Variants in AKAP13 observed in about 807,000 individuals in gnomAD.
The protein encoded by AKAP13 is A-kinase anchor protein 13.
A neutral mutation model predicts 264.5 loss-of-function variants in AKAP13; 80 were observed. The observed-to-expected ratio is 0.30, with a 90% CI of 0.25 to 0.36. The LOEUF is 0.36. AKAP13 is among the 10% of genes least tolerant of loss of function. AKAP13 has a pLI of 1.00. For missense variants in AKAP13, 3,712 were observed against 3,435.2 expected, an observed-to-expected ratio of 1.08 and a Z score of -2.01; for synonymous variants, 1,380 against 1,250.2, an observed-to-expected ratio of 1.10 and a Z score of -2.19.
At chr15:85,652,758 T>G (rs576046125) in intron 10 of AKAP13, among the ~76,000 whole-genome samples, 1 of 152,318 alleles carries the variant, frequency 6.6e-6, no homozygotes, top group African/African-American at 2.4e-5. Context: ...TCTCTGGTGC[T>G]TGTTCAGTCC....
chr15:85,447,166 C>T (rs995860344), intron 1 of AKAP13, among the ~76,000 whole-genome samples: 7 of 152,062 alleles, frequency 4.6e-5, no homozygotes, highest in African/African-American at 1.7e-4. Flanking sequence ...ACTTGGGAGG[C>T]TGAGGCAGGA....
chr15:85,598,544 T>G (rs2079919344), intron 8 of AKAP13, among the ~76,000 whole-genome samples: 1 of 152,190 alleles, frequency 6.6e-6, no homozygotes, highest in African/African-American at 2.4e-5. Flanking sequence ...AGTCCCTTCT[T>G]CCAGGAGATG....
intron 9 of AKAP13, among the ~76,000 whole-genome samples, chr15:85,643,920 C>T (rs1057134224): frequency 3.9e-5 from 6 of 152,154 alleles, no homozygotes; most frequent in African/African-American, 1.4e-4. Flanking sequence ...AGTACAGTCC[C>T]GAGGGTGTGG....
At chr15:85,717,906 T>G in intron 21 of AKAP13, 101 bp from the exon 22 acceptor site, 1 of 1,153,584 alleles carries the variant, frequency 8.7e-7, no homozygotes, top group Non-Finnish European at 1.2e-6. Flanking sequence ...CCTGTATTCA[T>G]GTGTCTTATG....
chr15:85,716,998 T>C (rs977488228), intron 20 of AKAP13, among the ~76,000 whole-genome samples: 1 of 152,204 alleles, frequency 6.6e-6, no homozygotes, highest in Admixed American at 6.5e-5. Flanking sequence ...GAAAGTTTCT[T>C]ATATAATGTG....
At chr15:85,438,611 A>C (rs1157053346) in intron 1 of AKAP13, among the ~76,000 whole-genome samples, 43 of 147,870 alleles carry the variant, frequency 2.9e-4, no homozygotes, top group African/African-American at 7.3e-4. Flanking sequence ...TACTGGTACC[A>C]AAACAGAGAT....
intron 11 of AKAP13, among the ~76,000 whole-genome samples, chr15:85,656,423 C>G (rs2083096680): frequency 6.6e-6 from 1 of 152,042 alleles, no homozygotes; most frequent in Admixed American, 6.6e-5. Flanking sequence ...TGGAAGCAGG[C>G]TATATGAAGG....
At chr15:85,652,326 C>A (rs566894721) in intron 10 of AKAP13, among the ~76,000 whole-genome samples, 2 of 152,158 alleles carry the variant, frequency 1.3e-5, no homozygotes, top group East Asian at 3.9e-4. Context: ...CAAAATCCTT[C>A]CAAGATTGGA....
At chr15:85,733,677 A>G (rs1281254980) in intron 30 of AKAP13, among the ~76,000 whole-genome samples, 3 of 151,938 alleles carry the variant, frequency 2.0e-5, no homozygotes, top group African/African-American at 4.8e-5. Flanking sequence ...TAATGTTTAA[A>G]TGGTCTTCCT....
intron 5 of AKAP13, among the ~76,000 whole-genome samples, chr15:85,563,286 CTGTCGGAATCAATAT>C (rs2078472233): frequency 6.8e-6 from 1 of 147,482 alleles, no homozygotes; most frequent in Non-Finnish European, 1.5e-5. Context: ...ATTTTCCAGC[CTGTCGGAATCAATAT>C]TGTCCTTCAT....
Position 85,441,642 on chromosome 15 carries a change from A to T in AKAP13, c.-11-44068A>T, listed in dbSNP as rs527726502. On this transcript the variant is annotated intron_variant, in intron 1 of 36. Coordinates refer to ENST00000394518, the MANE Select transcript of AKAP13 (RefSeq NM_007200.5). ...GTAGATATTTCATAGTTTATTTTGT[A>T]AGTTTGTATCTGTGATCCATATTTG... 8.5e-5 allele frequency among the ~76,000 whole-genome samples: 13 copies of T among 152,194 alleles called. No homozygotes were observed. In the East Asian group the frequency reaches 2.3e-3, roughly 27 times the overall value.
chr15:85,722,418 C>A, intron 25 of AKAP13, 71 bp downstream of exon 25: 1 of 1,266,232 alleles, frequency 7.9e-7, no homozygotes, highest in Non-Finnish European at 1.1e-6. Context: ...GTACTGGAAG[C>A]CCCATGGAAG....
At chr15:85,656,603 C>T (rs573479255) in intron 11 of AKAP13, among the ~76,000 whole-genome samples, 1 of 152,182 alleles carries the variant, frequency 6.6e-6, no homozygotes, top group Non-Finnish European at 1.5e-5. Flanking sequence ...CCCGCCACCA[C>T]GCCTGGCTAA....
intron 3 of AKAP13, 38 bp from the exon 4 acceptor site, chr15:85,533,546 T>C: frequency 6.4e-7 from 1 of 1,562,140 alleles, no homozygotes; most frequent in South Asian, 1.2e-5. Flanking sequence ...GCAGTGAGGC[T>C]CTAATACTGT....
chr15:85,732,817 A>G (rs1415554476), intron 30 of AKAP13, among the ~76,000 whole-genome samples: 2 of 150,786 alleles, frequency 1.3e-5, no homozygotes, highest in Admixed American at 1.3e-4. Context: ...ACTAATACTA[A>G]TTTACTAATT....
At chr15:85,482,454 A>G (rs2075380132) in intron 1 of AKAP13, among the ~76,000 whole-genome samples, 1 of 152,138 alleles carries the variant, frequency 6.6e-6, no homozygotes, top group Admixed American at 6.5e-5. Flanking sequence ...CAGAGTCTTG[A>G]GGAGTATGGT....
At chr15:85,517,889 A>G (rs1251599553) in intron 2 of AKAP13, among the ~76,000 whole-genome samples, 26 of 152,198 alleles carry the variant, frequency 1.7e-4, no homozygotes. Flanking sequence ...AGAAACATGG[A>G]AAATATCTGT....
intron 3 of AKAP13, among the ~76,000 whole-genome samples, chr15:85,527,205 C>A (rs906718100): frequency 6.6e-6 from 1 of 152,082 alleles, no homozygotes; most frequent in African/African-American, 2.4e-5. Flanking sequence ...CCTCGTGATC[C>A]GCCCGCCTTG....
chr15:85,551,585 C>A (rs1401480364), intron 5 of AKAP13, among the ~76,000 whole-genome samples: 3 of 152,178 alleles, frequency 2.0e-5, no homozygotes, highest in African/African-American at 7.2e-5. Flanking sequence ...TCTTGTGTTT[C>A]TATAAACTTC....
Sources: gnomAD v4.1 joint callset for allele counts (sites outside exome capture counted in the v4.1 genomes callset) on GRCh38, gnomAD v4.1.1 for gene constraint, MANE v1.5 for transcripts, NCBI Gene and HGNC (gene_info 2026-07-23, HGNC 2026-07-21) for gene names.